Variants in MCTP2 observed in about 807,000 individuals in gnomAD.
MCTP2 encodes multiple C2 and transmembrane domain containing 2.
Under a neutral mutation model 111.6 loss-of-function variants are expected in MCTP2, and 132 were observed. That is an observed-to-expected ratio of 1.18 (90% CI 1.03 to 1.37). The LOEUF (loss-of-function observed/expected upper bound fraction) is 1.37, where lower values mean the gene tolerates loss of function less well. MCTP2 is among the 40% of genes most tolerant of loss of function. MCTP2 has a pLI of 0.00. For synonymous variants in MCTP2, 395 were observed against 387.7 expected (o/e 1.02, Z -0.22); for missense variants, 1,183 against 1,067.9 (o/e 1.11, Z -1.50).
chr15:94,408,339 A>G (rs2081999544), intron 17 of MCTP2, among the ~76,000 whole-genome samples: 1 of 152,262 alleles, frequency 6.6e-6, no homozygotes, highest in African/African-American at 2.4e-5. Context: ...GTGTGTATAT[A>G]TAAGTGCACA....
intron 17 of MCTP2, among the ~76,000 whole-genome samples, chr15:94,429,964 A>G (rs2083086569): frequency 6.6e-6 from 1 of 152,098 alleles, no homozygotes; most frequent in African/African-American, 2.4e-5. Context: ...TTCCCTTTTT[A>G]TCTTCTCATC....
At chr15:94,312,542 A>G (rs1307915398) in intron 2 of MCTP2, among the ~76,000 whole-genome samples, 1 of 152,208 alleles carries the variant, frequency 6.6e-6, no homozygotes, top group African/African-American at 2.4e-5. Context: ...CTATAGTGCC[A>G]GGGCCCTAGA....
rs751772966 is a variant in MCTP2 at position 94,476,645 on chromosome 15, T to TAGAC, written c.2471-48_2471-47insCAGA. ...ATAGATAGATAGATAGATAGATAGATAGATAGACAGACAGACAGATAAAGA... is the reference window on the plus strand; with the variant it reads ...ATAGATAGATAGATAGATAGATAGATAGACAGATAGACAGACAGACAGATAAAGA... On this transcript the variant is annotated intron_variant, in intron 21 of 22. Coordinates refer to ENST00000357742, the MANE Select transcript of MCTP2 (RefSeq NM_001385001.1). 1.2e-3 allele frequency: 1,003 copies of TAGAC among 842,628 alleles called. 8 individuals are homozygous for TAGAC. The African/African-American group carries it at 0.015, about 13-fold the overall frequency. The allele number at this position is 842,628 out of a possible 1,614,324, so 52.2% of individuals were successfully genotyped here. A position where few individuals can be genotyped will look rare whatever the true frequency, so the allele number is the denominator to read the frequency against.
At chr15:94,409,261 C>G (rs766090528) in intron 17 of MCTP2, among the ~76,000 whole-genome samples, 1 of 152,122 alleles carries the variant, frequency 6.6e-6, no homozygotes, top group Admixed American at 6.5e-5. Flanking sequence ...CTGGTTGCCT[C>G]CTGCCCTTGA....
intron 9 of MCTP2, among the ~76,000 whole-genome samples, chr15:94,356,602 G>T (rs1254475360): frequency 6.6e-6 from 1 of 152,084 alleles, no homozygotes; most frequent in Non-Finnish European, 1.5e-5. Context: ...CATAGAATGT[G>T]GGAAAAGGAT....
At chr15:94,345,598 G>A (rs944977675) in intron 8 of MCTP2, among the ~76,000 whole-genome samples, 1 of 151,908 alleles carries the variant, frequency 6.6e-6, no homozygotes, top group African/African-American at 2.4e-5. Flanking sequence ...ATAAATTTTT[G>A]GTAAAATTTC....
At chr15:94,310,696 A>G (rs904892439) in intron 2 of MCTP2, among the ~76,000 whole-genome samples, 1 of 151,096 alleles carries the variant, frequency 6.6e-6, no homozygotes, top group Non-Finnish European at 1.5e-5. Context: ...ATTTTATTAT[A>G]AAATATTTCA....
chr15:94,446,191 G>C (rs2084107246), intron 19 of MCTP2, among the ~76,000 whole-genome samples: 2 of 152,188 alleles, frequency 1.3e-5, no homozygotes, highest in African/African-American at 2.4e-5. Flanking sequence ...GGATAACATA[G>C]AACTTTCAGG....
At chr15:94,415,904 T>A (rs757136606) in intron 17 of MCTP2, among the ~76,000 whole-genome samples, 2 of 152,176 alleles carry the variant, frequency 1.3e-5, no homozygotes, top group Non-Finnish European at 2.9e-5. Flanking sequence ...GTTTCCTAAA[T>A]GACACTGAAA....
chr15:94,329,927 C>T (rs75989916), intron 4 of MCTP2, among the ~76,000 whole-genome samples: 2 of 152,186 alleles, frequency 1.3e-5, no homozygotes, highest in Admixed American at 1.3e-4. Flanking sequence ...TACATAACTG[C>T]ACCTCAGTGC....
intron 1 of MCTP2, among the ~76,000 whole-genome samples, chr15:94,245,236 G>A (rs180964479): frequency 0.015 from 2,062 of 133,046 alleles, 51 homozygotes; most frequent in African/African-American, 0.056. Flanking sequence ...ACATATGTAT[G>A]TATATATACA....
chr15:94,356,216 T>A lies in MCTP2; in HGVS notation c.1085T>A (p.Leu362Ter), dbSNP rs776565969. The A allele has an allele frequency of 1.2e-6, 2 of 1,613,502 alleles. No homozygotes were observed. The highest frequency in any genetic ancestry group is 2.7e-5 in the African/African-American group (2 of 74,884). The change falls in exon 9 of 23, where the codon TTG becomes TAG. Residue 362 changes from leucine to a stop codon, truncating the protein, a stop_gained. Coordinates refer to ENST00000357742, the MANE Select transcript of MCTP2 (RefSeq NM_001385001.1). LOFTEE classifies it high-confidence loss of function. ...TGGAACGGGATTATAAGTATAACTT[T>A]GTTGGAAGGGAAGAATGTCTCAGGA... ...QLWNGIISIT[L>*]LEGKNVSGGS...
intron 17 of MCTP2, among the ~76,000 whole-genome samples, chr15:94,419,827 C>CA (rs34589523): frequency 6.6e-6 from 1 of 150,834 alleles, no homozygotes; most frequent in African/African-American, 2.4e-5. Context: ...ACCATTTCTA[C>CA]AAAAAAGCAA....
intron 2 of MCTP2, among the ~76,000 whole-genome samples, chr15:94,311,916 C>T (rs574493225): frequency 3.7e-4 from 57 of 152,246 alleles, no homozygotes; most frequent in Non-Finnish European, 5.4e-4. Context: ...AGGGGTGATA[C>T]GGTTTAATCA....
intron 8 of MCTP2, among the ~76,000 whole-genome samples, chr15:94,349,807 G>A (rs1390408325): frequency 2.8e-5 from 4 of 142,470 alleles, no homozygotes; most frequent in East Asian, 2.0e-4. Flanking sequence ...GCAACACAGC[G>A]GGACTCTGTC....
At chr15:94,313,424 C>T (rs1169229813) in intron 2 of MCTP2, among the ~76,000 whole-genome samples, 2 of 152,094 alleles carry the variant, frequency 1.3e-5, no homozygotes, top group Admixed American at 6.6e-5. Flanking sequence ...ACATAGGGGC[C>T]GGGCATGGTG....
intron 17 of MCTP2, chr15:94,403,181 C>G: frequency 3.0e-6 from 3 of 985,438 alleles, no homozygotes; most frequent in Non-Finnish European, 3.6e-6. Flanking sequence ...GTAGGCTTGA[C>G]CTTTCCTATA....
At chr15:94,266,173 A>T (rs143372452) in intron 1 of MCTP2, among the ~76,000 whole-genome samples, 1 of 152,290 alleles carries the variant, frequency 6.6e-6, no homozygotes, top group Non-Finnish European at 1.5e-5. Context: ...CTGCACTGTG[A>T]TCATTACATT....
At chr15:94,233,206 C>T (rs1322575175) in intron 1 of MCTP2, among the ~76,000 whole-genome samples, 2 of 152,040 alleles carry the variant, frequency 1.3e-5, no homozygotes, top group African/African-American at 2.4e-5. Context: ...TTTCATTGCA[C>T]TTGTGTGGTC....
Sources: gnomAD v4.1 joint callset for allele counts (sites outside exome capture counted in the v4.1 genomes callset) on GRCh38, gnomAD v4.1.1 for gene constraint, MANE v1.5 for transcripts, NCBI Gene and HGNC (gene_info 2026-07-23, HGNC 2026-07-21) for gene names.